MS4A4A: variants seen among roughly 807,000 people sequenced by gnomAD.
MS4A4A encodes the protein membrane-spanning 4-domains subfamily A member 4A.
A neutral mutation model predicts 28.0 loss-of-function variants in MS4A4A; 26 were observed. The observed-to-expected ratio is 0.93, with a 90% CI of 0.68 to 1.29. The LOEUF (loss-of-function observed/expected upper bound fraction) is 1.29, where lower values mean the gene tolerates loss of function less well. Ranked by LOEUF, MS4A4A falls within the 50% of genes most tolerant of loss-of-function variation. The pLI is 0.00. For synonymous variants in MS4A4A, 86 were observed against 100.8 expected, an observed-to-expected ratio of 0.85 and a Z score of 0.88; for missense variants, 290 against 293.1, an observed-to-expected ratio of 0.99 and a Z score of 0.08.
chr11:60,299,792 C>G (rs963986558), intron 3 of MS4A4A, among the ~76,000 whole-genome samples: 2 of 152,194 alleles, frequency 1.3e-5, no homozygotes, highest in African/African-American at 4.8e-5. Context: ...AGTAATGTTG[C>G]AGTTACTAAT....
At chr11:60,282,192 C>G (rs1192364218) in intron 1 of MS4A4A, among the ~76,000 whole-genome samples, 1 of 152,120 alleles carries the variant, frequency 6.6e-6, no homozygotes, top group Non-Finnish European at 1.5e-5. Context: ...GCTCTGCCCT[C>G]GAGGAAGCTT....
chr11:60,286,241 T>C (rs1429499897), intron 1 of MS4A4A, among the ~76,000 whole-genome samples: 1 of 152,212 alleles, frequency 6.6e-6, no homozygotes, highest in Non-Finnish European at 1.5e-5. Context: ...TTTCATATTG[T>C]TCAAACACAC....
intron 1 of MS4A4A, among the ~76,000 whole-genome samples, chr11:60,290,704 T>A (rs1470835720): frequency 3.3e-5 from 5 of 152,086 alleles, no homozygotes; most frequent in Non-Finnish European, 7.4e-5. Flanking sequence ...GTTAAATTAA[T>A]GTTCTAAATA....
intron 1 of MS4A4A, chr11:60,282,617 T>G (rs1378088417): frequency 1.3e-5 from 17 of 1,285,058 alleles, no homozygotes; most frequent in Non-Finnish European, 5.1e-6. Flanking sequence ...GGGTGGAACA[T>G]TCCTGCAAAT....
At chr11:60,287,405 C>T (rs1418646201) in intron 1 of MS4A4A, among the ~76,000 whole-genome samples, 3 of 152,124 alleles carry the variant, frequency 2.0e-5, no homozygotes, top group African/African-American at 7.2e-5. Flanking sequence ...TGATAACTAA[C>T]CTTCTCCAAG....
chr11:60,292,985 G>T (rs541042808), intron 2 of MS4A4A, among the ~76,000 whole-genome samples: 2 of 152,282 alleles, frequency 1.3e-5, no homozygotes, highest in Admixed American at 6.5e-5. Flanking sequence ...TTTTCTGGAG[G>T]GGGGGAAATA....
chr11:60,294,904 T>A (rs78240838), intron 2 of MS4A4A, among the ~76,000 whole-genome samples: 3,915 of 63,606 alleles, frequency 0.062, 96 homozygotes, highest in East Asian at 0.081. Flanking sequence ...TTCTTCTTCT[T>A]CTTCTTCTTC....
At chr11:60,291,324 C>T (rs1014427012) in intron 1 of MS4A4A, among the ~76,000 whole-genome samples, 15 of 152,242 alleles carry the variant, frequency 9.9e-5, no homozygotes, top group Non-Finnish European at 1.5e-4. Context: ...GTTTCATTCC[C>T]AAAGTTCAGA....
At position 60,300,998 on chromosome 11, in the gene MS4A4A, T is replaced by C. The variant is rs2084948579; in HGVS notation, c.331-3T>C. ...TTACCTTCATTTTTTCTCTCATTTT[T>C]AGTTTATTATTTCAGGATCCTTGTC... On this transcript the variant is annotated splice_polypyrimidine_tract_variant and splice_region_variant and intron_variant, in intron 3 of 6. Coordinates refer to ENST00000337908, the MANE Select transcript of MS4A4A (RefSeq NM_148975.3). The C allele has an allele frequency of 6.2e-7, 1 of 1,601,174 alleles. No homozygotes were observed.
At chr11:60,300,615 CAA>C (rs760648433) in intron 3 of MS4A4A, among the ~76,000 whole-genome samples, 10 of 36,028 alleles carry the variant, frequency 2.8e-4, no homozygotes, top group Admixed American at 1.2e-3. Flanking sequence ...GACTCCGTCT[CAA>C]AAAAAAAAAA....
intron 5 of MS4A4A, among the ~76,000 whole-genome samples, chr11:60,303,878 T>C (rs959091799): frequency 4.6e-5 from 7 of 152,208 alleles, no homozygotes; most frequent in African/African-American, 1.7e-4. Context: ...CTAAGCAGAA[T>C]CAGTTGCATT....
intron 3 of MS4A4A, among the ~76,000 whole-genome samples, chr11:60,300,515 C>A (rs973465758): frequency 6.7e-6 from 1 of 148,176 alleles, no homozygotes; most frequent in Admixed American, 6.8e-5. Context: ...ACTCGGGAGG[C>A]TGAGGCAGGA....
chr11:60,286,166 C>T (rs2084802144), intron 1 of MS4A4A, among the ~76,000 whole-genome samples: 1 of 152,134 alleles, frequency 6.6e-6, no homozygotes, highest in Non-Finnish European at 1.5e-5. Flanking sequence ...GCAGTCAGAC[C>T]TTATGGTTAT....
At chr11:60,281,173 C>T (rs557732535) in intron 1 of MS4A4A, among the ~76,000 whole-genome samples, 79 of 152,258 alleles carry the variant, frequency 5.2e-4, no homozygotes, top group South Asian at 1.0e-3. Flanking sequence ...GAGTAGGGCA[C>T]AGGCAGGGTC....
Position 60,292,248 on chromosome 11 carries a change from C to T in MS4A4A, c.65C>T (p.Thr22Ile), listed in dbSNP as rs2084863359. Reference sequence around the variant, plus strand: ...AGCACCTTTTCTGCTGCCATGACAACCATGCAAGGAATGGAACAGGCCATG... The same window carrying T: ...AGCACCTTTTCTGCTGCCATGACAATCATGCAAGGAATGGAACAGGCCATG... The part of the protein sequence containing the change: ...EESTFSAAMT[T>I]MQGMEQAMPG... Residue 22 changes from threonine to isoleucine, a missense_variant, in exon 2 of 7, where the codon ACC becomes ATC. By Grantham distance (89) the Thr-to-Ile change is moderately conservative. Transcript: ENST00000337908. 2 of 1,564,938 alleles carry T rather than the reference C, an allele frequency of 1.3e-6. No homozygotes were observed. Among genetic ancestry groups the T allele is most frequent in the South Asian group, 1.2e-5 (1 of 83,248 alleles).
chr11:60,281,346 G>T (rs1358850689), intron 1 of MS4A4A, among the ~76,000 whole-genome samples: 1 of 152,182 alleles, frequency 6.6e-6, no homozygotes, highest in Admixed American at 6.6e-5. Flanking sequence ...TAAGAAAGAA[G>T]CTTGTAAGTG....
At chr11:60,307,754 G>T (rs2085017373) in intron 6 of MS4A4A, among the ~76,000 whole-genome samples, 1 of 152,030 alleles carries the variant, frequency 6.6e-6, no homozygotes, top group Non-Finnish European at 1.5e-5. Flanking sequence ...TCATGATTTG[G>T]GTATGTTGAT....
Position 60,308,880 on chromosome 11 carries a change from T to A in MS4A4A, c.*702T>A, listed in dbSNP as rs1232226492. On this transcript the variant is annotated 3_prime_UTR_variant, in exon 7 of 7. Transcript: ENST00000337908. Reference sequence around the variant, plus strand: ...CCACCTTCTACTGGGCATAATTATATCTTAATCATATATGGAAATGTGCAA... The same window carrying A: ...CCACCTTCTACTGGGCATAATTATAACTTAATCATATATGGAAATGTGCAA... 1 of 152,250 alleles carries A rather than the reference T, an allele frequency of 6.6e-6. No homozygotes were observed. Among genetic ancestry groups the A allele is most frequent in the Non-Finnish European group, 1.5e-5 (1 of 68,050 alleles). 9.4% of individuals were successfully genotyped at this position (152,250 alleles called of 1,614,324 possible).
intron 1 of MS4A4A, among the ~76,000 whole-genome samples, chr11:60,288,342 G>A (rs867849276): frequency 6.6e-6 from 1 of 152,174 alleles, no homozygotes; most frequent in Admixed American, 6.5e-5. Context: ...TGTGGAGCTG[G>A]GGTCTTAGGC....
Sources: allele counts gnomAD v4.1 joint callset (sites outside exome capture counted in the v4.1 genomes callset), GRCh38; gene constraint gnomAD v4.1.1; transcripts MANE v1.5; gene names NCBI Gene and HGNC (gene_info 2026-07-23, HGNC 2026-07-21).